The following FBN2 variants were observed in gnomAD, a reference collection of about 807,000 sequenced individuals.
FBN2 encodes the protein fibrillin-2.
FBN2 carries 105 observed loss-of-function variants against 355.6 expected under a neutral mutation model. That is an observed-to-expected ratio of 0.30 (90% CI 0.25 to 0.35). The LOEUF (loss-of-function observed/expected upper bound fraction) is 0.35, where lower values mean the gene tolerates loss of function less well. FBN2 is among the 10% of genes least tolerant of loss of function. The pLI is 1.00. For missense variants in FBN2, 3,280 were observed against 3,758.7 expected (o/e 0.87, Z 3.33); for synonymous variants, 1,350 against 1,301.2 (o/e 1.04, Z -0.81).
At chr5:128,468,904 T>C (rs1049542866) in intron 5 of FBN2, among the ~76,000 whole-genome samples, 1 of 152,350 alleles carries the variant, frequency 6.6e-6, no homozygotes, top group South Asian at 2.1e-4. Context: ...TGTGATACTT[T>C]TTTCTAAATA....
At chr5:128,287,716 G>A (rs1011582320) in intron 53 of FBN2, among the ~76,000 whole-genome samples, 1 of 152,104 alleles carries the variant, frequency 6.6e-6, no homozygotes, top group Non-Finnish European at 1.5e-5. Flanking sequence ...CTATTTTTCT[G>A]AAATTACCCT....
rs374075310 is a variant in FBN2, at chr5:128,310,139, TA to T, written c.5075-32del. 485 of 1,560,024 alleles carry T rather than the reference TA, an allele frequency of 3.1e-4. 4 individuals are homozygous for T. The African/African-American group carries it at 4.9e-3, about 16-fold the overall frequency. The stretch of plus-strand genomic sequence containing the variant: ...GTAGGCAAGAATATCTATTAATTAA[TA>T]AATCTATTTTTTCAATGAATTTATA... On this transcript the variant is annotated intron_variant, in intron 39 of 64. Transcript: ENST00000262464.
chr5:128,286,974 C>T (rs747416237), intron 54 of FBN2, 125 bp from the exon 55 acceptor site: 6 of 975,498 alleles, frequency 6.2e-6, no homozygotes, highest in Non-Finnish European at 9.4e-6. Flanking sequence ...AAGGAGAAGC[C>T]CAGCCATTGT....
rs111360282 is a variant in FBN2 at position 128,425,028 on chromosome 5, T to C, written c.953-16229A>G. 1.1e-4 allele frequency among the ~76,000 whole-genome samples: 16 copies of C among 151,944 alleles called. No homozygotes were observed. The East Asian group carries it at 1.9e-3, about 18-fold the overall frequency. ...TCTTTTCCTTTTCCTTTTTTTTTTTTTCTCTCTCTGTCCCTCTGTCTTTTT... is the reference window on the plus strand; with the variant it reads ...TCTTTTCCTTTTCCTTTTTTTTTTTCTCTCTCTCTGTCCCTCTGTCTTTTT... On this transcript the variant is annotated intron_variant, in intron 7 of 64. Coordinates refer to ENST00000262464, the MANE Select transcript of FBN2 (RefSeq NM_001999.4).
intron 50 of FBN2, 39 bp downstream of exon 50, chr5:128,290,693 G>GTCTGTACACAAAGTCA: frequency 6.2e-7 from 1 of 1,604,988 alleles, no homozygotes; most frequent in Non-Finnish European, 8.5e-7. Context: ...TTCAAAAACT[G>GTCTGTACACAAAGTCA]GTACACAAAG....
chr5:128,379,527 C>T (rs1234271319), intron 11 of FBN2, among the ~76,000 whole-genome samples: 1 of 152,002 alleles, frequency 6.6e-6, no homozygotes, highest in East Asian at 1.9e-4. Context: ...TTAAAATTGG[C>T]ACAGTGATTT....
At chr5:128,402,224 T>C (rs532109190) in intron 8 of FBN2, among the ~76,000 whole-genome samples, 5 of 152,144 alleles carry the variant, frequency 3.3e-5, no homozygotes, top group Admixed American at 6.5e-5. Flanking sequence ...CCAGGCACAC[T>C]ATTCCTTGAA....
chr5:128,489,460 A>G (rs973276041), intron 5 of FBN2, among the ~76,000 whole-genome samples: 1 of 152,012 alleles, frequency 6.6e-6, no homozygotes, highest in Non-Finnish European at 1.5e-5. Flanking sequence ...TGTTTTTCTC[A>G]TATCTTTTCA....
rs377430040 is a variant in FBN2, at chr5:128,514,988, T to A, written c.628+4285A>T. Among the ~76,000 whole-genome samples, 4 of 152,226 alleles carry A rather than the reference T, an allele frequency of 2.6e-5. No homozygotes were observed. The South Asian group carries it at 8.3e-4, about 32-fold the overall frequency. On this transcript the variant is annotated intron_variant, in intron 5 of 64. Transcript: ENST00000262464. ...ATATTCCCTATATTCCTGGTCATAC[T>A]ACTAATTTGCTATGTTACTTGAATG... is the stretch of plus-strand genomic sequence containing the variant.
chr5:128,331,842 A>G (rs1254807817), intron 32 of FBN2, among the ~76,000 whole-genome samples: 1 of 152,174 alleles, frequency 6.6e-6, no homozygotes, highest in African/African-American at 2.4e-5. Context: ...GTTTTGCAAT[A>G]GTTGGCCAAA....
intron 6 of FBN2, among the ~76,000 whole-genome samples, chr5:128,450,377 G>C (rs180888945): frequency 2.4e-4 from 37 of 151,752 alleles, no homozygotes; most frequent in Non-Finnish European, 5.0e-4. Context: ...AAGTAATAAA[G>C]GAAAAAATCT....
At chr5:128,533,234 C>T (rs1379984405) in intron 2 of FBN2, among the ~76,000 whole-genome samples, 3 of 152,150 alleles carry the variant, frequency 2.0e-5, no homozygotes, top group African/African-American at 7.2e-5. Flanking sequence ...TCCTCCTCCC[C>T]AGAAGGCCAA....
chr5:128,528,342 A>G lies in FBN2; in HGVS notation c.437-375T>C, dbSNP rs899593378. Reference sequence around the variant, plus strand: ...CATAATGGACTTGAAAGCTATCCTCACAGAGCTTGAATTCCGATGGGGAGC... The same window carrying G: ...CATAATGGACTTGAAAGCTATCCTCGCAGAGCTTGAATTCCGATGGGGAGC... On this transcript the variant is annotated intron_variant, in intron 3 of 64. Coordinates refer to ENST00000262464, the MANE Select transcript of FBN2 (RefSeq NM_001999.4). 2.0e-5 allele frequency among the ~76,000 whole-genome samples: 3 copies of G among 152,166 alleles called. 1 individual carries two copies. The highest frequency in any genetic ancestry group is 2.9e-5 in the Non-Finnish European group (2 of 68,022).
At chr5:128,491,348 ACTTTT>A (rs1455823161) in intron 5 of FBN2, among the ~76,000 whole-genome samples, 1 of 152,188 alleles carries the variant, frequency 6.6e-6, no homozygotes, top group Non-Finnish European at 1.5e-5. Context: ...AACATTGTAA[ACTTTT>A]CTCCAGGCAG....
chr5:128,434,222 G>T (rs922108094), intron 7 of FBN2, among the ~76,000 whole-genome samples: 1 of 151,198 alleles, frequency 6.6e-6, no homozygotes, highest in Non-Finnish European at 1.5e-5. Flanking sequence ...TTAAGATAAG[G>T]GGATTTAGTC....
chr5:128,443,986 T>C (rs1228704800), intron 7 of FBN2, among the ~76,000 whole-genome samples: 2 of 151,816 alleles, frequency 1.3e-5, no homozygotes, highest in Non-Finnish European at 2.9e-5. Flanking sequence ...CAACTGTTTA[T>C]AGTTTTTCCA....
intron 36 of FBN2, among the ~76,000 whole-genome samples, chr5:128,313,147 AATGGTT>A (rs1261390382): frequency 1.3e-5 from 2 of 152,236 alleles, no homozygotes; most frequent in African/African-American, 2.4e-5. Flanking sequence ...GAGTTTATCC[AATGGTT>A]TAGTTTCAAC....
At chr5:128,532,592 T>C (rs373914834) in intron 2 of FBN2, among the ~76,000 whole-genome samples, 2 of 152,214 alleles carry the variant, frequency 1.3e-5, no homozygotes, top group African/African-American at 4.8e-5. Context: ...TGAAACTGGC[T>C]GTAGTTAGGG....
At chr5:128,522,022 A>G (rs1187641649) in intron 4 of FBN2, among the ~76,000 whole-genome samples, 1 of 151,990 alleles carries the variant, frequency 6.6e-6, no homozygotes. Flanking sequence ...TTAATGAATC[A>G]ATAAATATTT....
Sources: gnomAD v4.1 joint callset for allele counts (sites outside exome capture counted in the v4.1 genomes callset) on GRCh38, gnomAD v4.1.1 for gene constraint, MANE v1.5 for transcripts, NCBI Gene and HGNC (gene_info 2026-07-23, HGNC 2026-07-21) for gene names.